The following CHM variants were observed in gnomAD, a reference collection of about 807,000 sequenced individuals.
CHM encodes the protein rab proteins geranylgeranyltransferase component A 1.
Under a neutral mutation model 49.0 loss-of-function variants are expected in CHM, and 10 were observed. The observed-to-expected ratio is 0.20, with a 90% CI of 0.13 to 0.35. The LOEUF is 0.35. Among genes scored for constraint, CHM ranks in the 10% least tolerant of loss-of-function variants. The pLI, the probability that CHM is intolerant of heterozygous loss-of-function variation, is 1.00. For synonymous variants in CHM, 184 were observed against 167.5 expected, an observed-to-expected ratio of 1.10 and a Z score of -0.76; for missense variants, 455 against 478.4, an observed-to-expected ratio of 0.95 and a Z score of 0.46.
intron 8 of CHM, among the ~76,000 whole-genome samples, chrX:85,948,446 T>C (rs946176562): frequency 1.8e-5 from 2 of 111,866 alleles, no homozygotes; most frequent in Non-Finnish European, 3.8e-5. Flanking sequence ...TATTAATGGA[T>C]ACTAGGTAGC....
chrX:85,963,923 A>G lies in CHM; in HGVS notation c.444T>C (p.Thr148=), dbSNP rs748131333. 1 of 1,209,129 alleles carries G rather than the reference A, an allele frequency of 8.3e-7. No homozygotes were observed. The highest frequency in any genetic ancestry group is 1.1e-6 in the Non-Finnish European group (1 of 895,167). ...FLPTEDESLS[T]MSCEMLTEQT... ...GTTCTGTGAGCATTTCACAGCTCAT[A>G]GTGCTTAATGACTCATCCTCCGTAG... Residue 148 remains threonine (T), a synonymous_variant, in exon 5 of 15, where the codon ACT becomes ACC. Transcript: ENST00000357749.
intron 12 of CHM, among the ~76,000 whole-genome samples, chrX:85,881,306 T>C (rs1311492089): frequency 8.9e-6 from 1 of 111,987 alleles, no homozygotes. Context: ...AATCTCAAAT[T>C]ATTTAAATCT....
chrX:85,970,503 C>T (rs1930838159), intron 4 of CHM: 8 of 730,400 alleles, frequency 1.1e-5, no homozygotes, highest in Non-Finnish European at 1.3e-5. Context: ...ACATGATACA[C>T]TGGAAATAGC....
At chrX:85,903,794 C>G (rs1926425562) in intron 9 of CHM, 1 of 316,990 alleles carries the variant, frequency 3.2e-6, no homozygotes, top group Non-Finnish European at 6.2e-6. Flanking sequence ...AAATCAAGGG[C>G]TATTGGTACA....
At chrX:85,970,330 C>T in intron 4 of CHM, 1 of 747,020 alleles carries the variant, frequency 1.3e-6, no homozygotes. Context: ...TTTCTCATTA[C>T]AGATATAACT....
At chrX:86,045,340 T>C (rs1934613809) in intron 1 of CHM, among the ~76,000 whole-genome samples, 2 of 112,171 alleles carry the variant, frequency 1.8e-5, no homozygotes, top group Non-Finnish European at 3.8e-5. Context: ...TAAATCATGA[T>C]TGGAATTGTT....
In CHM at chrX:85,864,638, A is replaced by G. The variant is rs779628698; in HGVS notation, c.1954T>C (p.Ser652Pro). The G allele has an allele frequency of 8.3e-7, 1 of 1,208,608 alleles. No individual in the cohort carries two copies. The highest frequency in any genetic ancestry group is 1.1e-6 in the Non-Finnish European group (1 of 893,325). ...STNLGNLEES[S>P]E ...AGTTTGGTGTATATCCATTATTCAG[A>G]GGACTCCTCTAGGTTTCCAAGGTTT... is the stretch of plus-strand genomic sequence containing the variant. Residue 652 changes from serine to proline, a missense_variant, in exon 15 of 15, where the codon TCT (serine) becomes CCT (proline). Physicochemically the swap from Ser to Pro is moderately conservative, Grantham distance 74 (BLOSUM62 -1). Coordinates refer to ENST00000357749, the MANE Select transcript of CHM (RefSeq NM_000390.4).
chrX:86,041,719 T>G (rs1934465739), intron 1 of CHM, among the ~76,000 whole-genome samples: 1 of 56,259 alleles, frequency 1.8e-5, no homozygotes, highest in Non-Finnish European at 2.9e-5. Context: ...ATATATATGG[T>G]GTGTGTGTAT....
At chrX:85,975,753 A>AGTGAATACATGAACCCACAAAT (rs1419111925) in intron 4 of CHM, among the ~76,000 whole-genome samples, 1 of 112,431 alleles carries the variant, frequency 8.9e-6, no homozygotes, top group South Asian at 3.7e-4. Flanking sequence ...TGACTGTGAC[A>AGTGAATACATGAACCCACAAAT]GTGAATACAT....
intron 8 of CHM, among the ~76,000 whole-genome samples, chrX:85,946,549 G>GGC (rs1929423129): frequency 1.8e-5 from 2 of 112,016 alleles, no homozygotes; most frequent in African/African-American, 6.5e-5. Context: ...ATTGTGTTAA[G>GGC]ACTCCAGGCA....
At chrX:86,003,401 G>A (rs1210060793) in intron 2 of CHM, among the ~76,000 whole-genome samples, 1 of 112,298 alleles carries the variant, frequency 8.9e-6, no homozygotes, top group Non-Finnish European at 1.9e-5. Context: ...AAGCTGGACG[G>A]AGAATGATTT....
At chrX:85,934,412 T>C (rs1461806570) in intron 8 of CHM, among the ~76,000 whole-genome samples, 2 of 93,045 alleles carry the variant, frequency 2.1e-5, no homozygotes, top group Non-Finnish European at 4.3e-5. Flanking sequence ...TCTCCTAATG[T>C]TATCCCTCCC....
At chrX:86,016,388 G>T (rs748836833) in intron 2 of CHM, among the ~76,000 whole-genome samples, 1 of 111,958 alleles carries the variant, frequency 8.9e-6, no homozygotes, top group African/African-American at 3.2e-5. Flanking sequence ...CCCATCACAG[G>T]CCTGCAGGCC....
At chrX:86,032,670 T>C (rs1934088514) in intron 1 of CHM, among the ~76,000 whole-genome samples, 1 of 111,798 alleles carries the variant, frequency 8.9e-6, no homozygotes, top group Non-Finnish European at 1.9e-5. Flanking sequence ...ATTAGAGAGG[T>C]TGTACCAAAC....
At chrX:85,911,129 G>GTATGTATA (rs1926908627) in intron 9 of CHM, 132 bp downstream of exon 9, 4 of 6,899 alleles carry the variant, frequency 5.8e-4, no homozygotes, top group African/African-American at 1.8e-3. Flanking sequence ...GTGTGTATAT[G>GTATGTATA]TATATATATA....
Position 85,915,728 on chromosome X carries a change from T to C in CHM, c.1167-4390A>G, listed in dbSNP as rs187311567. Reference sequence around the variant, plus strand: ...ACAAAATGAATAAACTACCTAGGAATACAGCTAACTAAGGAGGTGAAAGAT... The same window carrying C: ...ACAAAATGAATAAACTACCTAGGAACACAGCTAACTAAGGAGGTGAAAGAT... On this transcript the variant is annotated intron_variant, in intron 8 of 14. Coordinates refer to ENST00000357749, the MANE Select transcript of CHM (RefSeq NM_000390.4). 2.0e-4 allele frequency among the ~76,000 whole-genome samples: 22 copies of C among 111,819 alleles called. No homozygotes were observed. In the East Asian group the frequency reaches 6.3e-3, roughly 32 times the overall value.
At chrX:86,028,167 A>T (rs891827300) in intron 1 of CHM, among the ~76,000 whole-genome samples, 30 of 112,526 alleles carry the variant, frequency 2.7e-4, no homozygotes, top group African/African-American at 9.4e-4. Flanking sequence ...GAGCAACTGT[A>T]ACTACTATAT....
intron 1 of CHM, among the ~76,000 whole-genome samples, chrX:86,034,734 C>G (rs769253786): frequency 5.4e-5 from 6 of 111,254 alleles, no homozygotes; most frequent in Non-Finnish European, 1.1e-4. Flanking sequence ...GAGCCGAGAT[C>G]ACGCCATTGC....
At chrX:85,868,018 A>AGTGTGT (rs1569391025) in intron 14 of CHM, among the ~76,000 whole-genome samples, 1 of 87,154 alleles carries the variant, frequency 1.1e-5, no homozygotes, top group African/African-American at 4.0e-5. Context: ...AATAGTTACC[A>AGTGTGT]CTGTGTGTGT....
Sources: gnomAD v4.1 joint callset for allele counts (sites outside exome capture counted in the v4.1 genomes callset) on GRCh38, gnomAD v4.1.1 for gene constraint, MANE v1.5 for transcripts, NCBI Gene and HGNC (gene_info 2026-07-23, HGNC 2026-07-21) for gene names.